SMIM31: variants seen among roughly 807,000 people sequenced by gnomAD.
The protein encoded by SMIM31 is small integral membrane protein 31.
intron 1 of SMIM31, among the ~76,000 whole-genome samples, chr4:164,765,052 T>C (rs977678732): frequency 3.9e-5 from 6 of 152,118 alleles, no homozygotes; most frequent in African/African-American, 9.7e-5. Context: ...CTGGACAAGG[T>C]GATTTTTGAT....
chr4:164,796,777 C>T (rs1033774664), intron 2 of SMIM31, among the ~76,000 whole-genome samples: 4 of 152,208 alleles, frequency 2.6e-5, no homozygotes, highest in Non-Finnish European at 4.4e-5. Flanking sequence ...ATTCCTTAAA[C>T]TTCCACTGCC....
chr4:164,787,713 T>C (rs958350698), intron 2 of SMIM31, among the ~76,000 whole-genome samples: 8 of 152,084 alleles, frequency 5.3e-5, no homozygotes, highest in Non-Finnish European at 1.0e-4. Flanking sequence ...CCCTACCTCT[T>C]TGAAAAAAAT....
rs1487642607 is a variant in SMIM31, at chr4:164,803,003, T to C, written c.*1809T>C. 6.6e-6 allele frequency: 1 copy of C among 152,204 alleles called. No individual in the cohort carries two copies. Among genetic ancestry groups the C allele is most frequent in the Non-Finnish European group, 1.5e-5 (1 of 68,048 alleles). The allele number at this position is 152,204 out of a possible 1,614,324, so 9.4% of individuals were successfully genotyped here. A position where few individuals can be genotyped will look rare whatever the true frequency, so the allele number is the denominator to read the frequency against. On this transcript the variant is annotated 3_prime_UTR_variant, in exon 3 of 3. Coordinates refer to ENST00000507311, the MANE Select transcript of SMIM31 (RefSeq NM_001352885.1). ...GTTCTCTCTGAAAAAATGAGCATTT[T>C]AAAAAATCTTTGCTGGGCTGACAAA...
At chr4:164,777,281 G>GC (rs928688818) in intron 2 of SMIM31, among the ~76,000 whole-genome samples, 2 of 152,216 alleles carry the variant, frequency 1.3e-5, no homozygotes, top group Admixed American at 1.3e-4. Flanking sequence ...TATTCTGCAT[G>GC]CCAAAGTCAA....
intron 1 of SMIM31, among the ~76,000 whole-genome samples, chr4:164,765,439 A>G (rs1422040822): frequency 6.6e-6 from 1 of 152,228 alleles, no homozygotes; most frequent in Non-Finnish European, 1.5e-5. Context: ...GGCATTTCAC[A>G]GATGGACGGG....
chr4:164,762,517 G>C (rs1732663810), intron 1 of SMIM31, among the ~76,000 whole-genome samples: 1 of 151,890 alleles, frequency 6.6e-6, no homozygotes. Flanking sequence ...AAGAGTTTAA[G>C]ACCAGCCTGG....
intron 1 of SMIM31, among the ~76,000 whole-genome samples, chr4:164,757,484 T>C (rs915329625): frequency 1.2e-4 from 18 of 151,998 alleles, no homozygotes; most frequent in Admixed American, 1.2e-3. Context: ...TAAAAAGTCT[T>C]TTTTTTACCA....
At position 164,770,402 on chromosome 4, in the gene SMIM31, T is replaced by C; in HGVS notation, c.-25-17T>C. The C allele has an allele frequency of 2.5e-6, 1 of 398,908 alleles. No individual in the cohort carries two copies. 24.7% of individuals were successfully genotyped at this position (398,908 alleles called of 1,614,324 possible). On this transcript the variant is annotated splice_polypyrimidine_tract_variant and intron_variant, in intron 1 of 2. Transcript: ENST00000507311. Reference sequence around the variant, plus strand: ...TGGATTAGAGTATGCTGAGCCCATGTTTTATTCCTATTGTAGGTGAAGAAG... The same window carrying C: ...TGGATTAGAGTATGCTGAGCCCATGCTTTATTCCTATTGTAGGTGAAGAAG...
Position 164,759,116 on chromosome 4 carries a change from T to C in SMIM31, c.-26+4705T>C, listed in dbSNP as rs551694898. ...TGCTGGATTTCATTTGCTATCATCT[T>C]ATTAGGATTTTTGTGTTTATGTACA... On this transcript the variant is annotated intron_variant, in intron 1 of 2. Coordinates refer to ENST00000507311, the MANE Select transcript of SMIM31 (RefSeq NM_001352885.1). Among the ~76,000 whole-genome samples the C allele has an allele frequency of 3.9e-5, 6 of 152,218 alleles. No homozygotes were observed. The South Asian group carries it at 1.0e-3, about 26-fold the overall frequency.
intron 2 of SMIM31, among the ~76,000 whole-genome samples, chr4:164,772,591 T>TC (rs554104616): frequency 5.5e-4 from 83 of 151,192 alleles, no homozygotes; most frequent in Non-Finnish European, 1.1e-3. Flanking sequence ...TTTTATTTTT[T>TC]TTTTTGAGAC....
intron 1 of SMIM31, among the ~76,000 whole-genome samples, chr4:164,756,128 G>A (rs1732557481): frequency 6.6e-6 from 1 of 152,118 alleles, no homozygotes; most frequent in Non-Finnish European, 1.5e-5. Flanking sequence ...CAATTAGAGT[G>A]AAATGCACAA....
chr4:164,784,961 C>T (rs1046077053), intron 2 of SMIM31, among the ~76,000 whole-genome samples: 32 of 150,918 alleles, frequency 2.1e-4, no homozygotes, highest in Admixed American at 2.0e-3. Flanking sequence ...CGGTGGCTCA[C>T]GCCTGTAATC....
At chr4:164,777,915 T>C (rs908913877) in intron 2 of SMIM31, among the ~76,000 whole-genome samples, 1 of 152,262 alleles carries the variant, frequency 6.6e-6, no homozygotes, top group African/African-American at 2.4e-5. Context: ...ATATTGCTGT[T>C]GTCCAACTGT....
intron 1 of SMIM31, among the ~76,000 whole-genome samples, chr4:164,755,160 A>C (rs1415332230): frequency 4.0e-5 from 6 of 151,624 alleles, no homozygotes; most frequent in Admixed American, 2.0e-4. Flanking sequence ...CGTATGATTT[A>C]ATTTAATTAG....
intron 2 of SMIM31, among the ~76,000 whole-genome samples, chr4:164,774,948 A>G (rs912495688): frequency 1.3e-5 from 2 of 152,214 alleles, no homozygotes; most frequent in South Asian, 2.1e-4. Flanking sequence ...AACATCAGTT[A>G]TCATCCAAGG....
chr4:164,762,610 C>A, intron 1 of SMIM31, among the ~76,000 whole-genome samples: 1 of 138,174 alleles, frequency 7.2e-6, no homozygotes. Flanking sequence ...TTGCGGTGAA[C>A]CAAGATCGCA....
intron 2 of SMIM31, among the ~76,000 whole-genome samples, chr4:164,789,074 GAA>G (rs112197275): frequency 1.4e-5 from 2 of 147,274 alleles, no homozygotes; most frequent in African/African-American, 5.0e-5. Context: ...TGTGATCTGG[GAA>G]AAAAAAAATC....
At chr4:164,767,232 T>C (rs1436311745) in intron 1 of SMIM31, among the ~76,000 whole-genome samples, 5 of 152,094 alleles carry the variant, frequency 3.3e-5, no homozygotes, top group African/African-American at 1.2e-4. Flanking sequence ...AATGGTAGGG[T>C]CGGGATAGTC....
rs148019620 is a variant in SMIM31 at position 164,796,914 on chromosome 4, A to G, written c.113-4177A>G. ...TAGACCAATAGCCAAAATTCCTACA[A>G]TGACTAACAGAGCCAAACGTCTTTC... On this transcript the variant is annotated intron_variant, in intron 2 of 2. Coordinates refer to ENST00000507311, the MANE Select transcript of SMIM31 (RefSeq NM_001352885.1). Among the ~76,000 whole-genome samples, 1,004 of 152,314 alleles carry G rather than the reference A, an allele frequency of 6.6e-3. 6 individuals are homozygous for G. The highest frequency in any genetic ancestry group is 0.011 in the Non-Finnish European group (744 of 68,028).
Sources: gnomAD v4.1 joint callset for allele counts (sites outside exome capture counted in the v4.1 genomes callset) on GRCh38, gnomAD v4.1.1 for gene constraint, MANE v1.5 for transcripts, NCBI Gene and HGNC (gene_info 2026-07-23, HGNC 2026-07-21) for gene names.